Variants in MEI4 observed in about 807,000 individuals in gnomAD.
The protein encoded by MEI4 is meiosis-specific protein MEI4.
A neutral mutation model predicts 31.4 loss-of-function variants in MEI4; 27 were observed. That is an observed-to-expected ratio of 0.86 (90% CI 0.63 to 1.19). The LOEUF is 1.19. MEI4 is among the 50% of genes most tolerant of loss of function. The pLI is 0.00. For missense variants in MEI4, 329 were observed against 398.9 expected, an observed-to-expected ratio of 0.82 and a Z score of 1.49; for synonymous variants, 122 against 145.4, an observed-to-expected ratio of 0.84 and a Z score of 1.16.
At chr6:77,710,537 A>AG (rs1766438654) in intron 2 of MEI4, among the ~76,000 whole-genome samples, 3 of 148,368 alleles carry the variant, frequency 2.0e-5, no homozygotes, top group African/African-American at 4.9e-5. Flanking sequence ...AAAAAAAAAA[A>AG]AAAAAGAAAA....
chr6:77,682,616 G>C (rs1011357816), intron 1 of MEI4, among the ~76,000 whole-genome samples: 4 of 152,144 alleles, frequency 2.6e-5, no homozygotes, highest in Non-Finnish European at 4.4e-5. Context: ...TTACTGATGA[G>C]AGCCAGGGTT....
intron 3 of MEI4, among the ~76,000 whole-genome samples, chr6:77,803,373 CT>C (rs890732351): frequency 1.3e-5 from 2 of 152,104 alleles, no homozygotes; most frequent in African/African-American, 4.8e-5. Flanking sequence ...AGTCATTGGT[CT>C]AATTTTTTTT....
chr6:77,869,840 T>A (rs1056480363), intron 4 of MEI4, among the ~76,000 whole-genome samples: 1 of 152,148 alleles, frequency 6.6e-6, no homozygotes, highest in Non-Finnish European at 1.5e-5. Context: ...TGTTTCATGC[T>A]TGGGATAAAT....
At chr6:77,726,934 T>C (rs1373017381) in intron 2 of MEI4, among the ~76,000 whole-genome samples, 5 of 152,210 alleles carry the variant, frequency 3.3e-5, no homozygotes, top group Admixed American at 1.3e-4. Flanking sequence ...TAACGTTTTA[T>C]CCAACAATGA....
intron 3 of MEI4, among the ~76,000 whole-genome samples, chr6:77,824,673 G>T (rs1354829999): frequency 8.6e-5 from 13 of 151,690 alleles, no homozygotes; most frequent in African/African-American, 3.1e-4. Flanking sequence ...AAAAGATCTA[G>T]GTCTGACTTT....
At chr6:77,656,702 C>A (rs1768403766) in intron 1 of MEI4, among the ~76,000 whole-genome samples, 1 of 152,000 alleles carries the variant, frequency 6.6e-6, no homozygotes, top group Non-Finnish European at 1.5e-5. Context: ...TTGTTGTTTC[C>A]TAAATAATTA....
intron 2 of MEI4, among the ~76,000 whole-genome samples, chr6:77,758,358 G>A (rs904885658): frequency 2.0e-5 from 3 of 152,132 alleles, no homozygotes; most frequent in Non-Finnish European, 2.9e-5. Context: ...GATGGTTATA[G>A]TAGACACTTG....
intron 3 of MEI4, among the ~76,000 whole-genome samples, chr6:77,781,376 G>T (rs1454996085): frequency 6.6e-6 from 1 of 152,004 alleles, no homozygotes; most frequent in African/African-American, 2.4e-5. Context: ...CCCAGAAATT[G>T]TGCATTATTT....
intron 2 of MEI4, among the ~76,000 whole-genome samples, chr6:77,733,381 T>A (rs1017355951): frequency 6.6e-6 from 1 of 152,126 alleles, no homozygotes; most frequent in Non-Finnish European, 1.5e-5. Flanking sequence ...TAGGAATTTA[T>A]CCATTTCTTC....
intron 4 of MEI4, among the ~76,000 whole-genome samples, chr6:77,882,474 G>A (rs1159619854): frequency 6.6e-6 from 1 of 152,178 alleles, no homozygotes; most frequent in East Asian, 1.9e-4. Flanking sequence ...GGCCCAGAAA[G>A]TTTAATGTTG....
chr6:77,845,886 T>G (rs945509430), intron 4 of MEI4, among the ~76,000 whole-genome samples: 1 of 5,962 alleles, frequency 1.7e-4, no homozygotes, highest in Admixed American at 2.0e-3. Flanking sequence ...GAAGTCTTGT[T>G]TTTTTTTTTT....
chr6:77,767,343 G>C (rs918723929), intron 3 of MEI4, among the ~76,000 whole-genome samples: 1 of 151,670 alleles, frequency 6.6e-6, no homozygotes, highest in Non-Finnish European at 1.5e-5. Flanking sequence ...CTGCACCACT[G>C]CACTCCAGCC....
chr6:77,796,394 G>A (rs1426050236), intron 3 of MEI4, among the ~76,000 whole-genome samples: 1 of 152,056 alleles, frequency 6.6e-6, no homozygotes, highest in Non-Finnish European at 1.5e-5. Context: ...AGAAATAAAA[G>A]ATTCAAATTT....
chr6:77,756,713 T>C lies in MEI4; in HGVS notation c.233-4417T>C, dbSNP rs1341961907. Among the ~76,000 whole-genome samples the C allele has an allele frequency of 2.0e-5, 3 of 151,736 alleles. No homozygotes were observed. In the East Asian group the frequency reaches 5.8e-4, roughly 29 times the overall value. On this transcript the variant is annotated intron_variant, in intron 2 of 4. Transcript: ENST00000684080. ...TTCTCTCTATTTCTATTTCTGTCCT[T>C]CTGTCTCATCTTTCTAGGCTATCTA...
At chr6:77,799,580 C>G (rs1355930149) in intron 3 of MEI4, among the ~76,000 whole-genome samples, 1 of 152,098 alleles carries the variant, frequency 6.6e-6, no homozygotes, top group Non-Finnish European at 1.5e-5. Flanking sequence ...TGCCTATGTC[C>G]TGAATGGTAA....
intron 1 of MEI4, among the ~76,000 whole-genome samples, chr6:77,686,388 T>C (rs1769054141): frequency 6.6e-6 from 1 of 152,136 alleles, no homozygotes; most frequent in African/African-American, 2.4e-5. Context: ...TCTTTTTATC[T>C]TTCTCTTTTT....
chr6:77,801,162 A>T (rs909113215), intron 3 of MEI4, among the ~76,000 whole-genome samples: 53 of 152,134 alleles, frequency 3.5e-4, no homozygotes, highest in Non-Finnish European at 6.9e-4. Context: ...TATTGCCTCA[A>T]TTTCAGAGCC....
At chr6:77,655,096 C>T (rs1044234523) in intron 1 of MEI4, among the ~76,000 whole-genome samples, 1 of 152,054 alleles carries the variant, frequency 6.6e-6, no homozygotes, top group African/African-American at 2.4e-5. Context: ...TGATGTTCCC[C>T]TCCCTGTGTC....
chr6:77,830,634 T>C (rs900475940), intron 4 of MEI4, among the ~76,000 whole-genome samples: 1 of 152,058 alleles, frequency 6.6e-6, no homozygotes, highest in Non-Finnish European at 1.5e-5. Context: ...TGTATTTTGC[T>C]AAGGAGTTTT....
Sources: allele counts gnomAD v4.1 joint callset (sites outside exome capture counted in the v4.1 genomes callset), GRCh38; gene constraint gnomAD v4.1.1; transcripts MANE v1.5; gene names NCBI Gene and HGNC (gene_info 2026-07-23, HGNC 2026-07-21).